Variants in YPEL2 observed in about 807,000 individuals in gnomAD.
YPEL2 encodes protein yippee-like 2.
YPEL2 carries 2 observed loss-of-function variants against 19.1 expected under a neutral mutation model. The ratio of observed to expected loss-of-function variants is 0.10; its 90% CI spans 0.04 to 0.33. YPEL2 has a LOEUF of 0.33. YPEL2 is among the 10% of genes least tolerant of loss of function. The pLI is 1.00. For missense variants in YPEL2, 66 were observed against 140.7 expected, an observed-to-expected ratio of 0.47 and a Z score of 2.68; for synonymous variants, 52 against 50.0, an observed-to-expected ratio of 1.04 and a Z score of -0.17.
At chr17:59,352,312 C>T (rs1451974535) in intron 1 of YPEL2, among the ~76,000 whole-genome samples, 2 of 152,100 alleles carry the variant, frequency 1.3e-5, no homozygotes, top group Non-Finnish European at 2.9e-5. Context: ...AGTCTTAGAC[C>T]TCGTGGCCCT....
At chr17:59,364,612 C>CTTTT (rs56282847) in intron 2 of YPEL2, among the ~76,000 whole-genome samples, 15 of 108,702 alleles carry the variant, frequency 1.4e-4, no homozygotes, top group East Asian at 5.1e-4. Context: ...CCCTCTGTGT[C>CTTTT]TTTTTTTTTT....
intron 2 of YPEL2, among the ~76,000 whole-genome samples, chr17:59,382,727 CTGATGCAGTAATTCAAAAGACGTAT>C (rs1378992666): frequency 6.6e-6 from 1 of 152,104 alleles, no homozygotes; most frequent in Non-Finnish European, 1.5e-5. Context: ...TCATCACTTT[CTGATGCAGTAATTCAAAAGACGTAT>C]TCTAATGAGA....
intron 2 of YPEL2, among the ~76,000 whole-genome samples, chr17:59,374,678 G>A (rs1445092527): frequency 6.6e-6 from 1 of 152,202 alleles, no homozygotes; most frequent in Non-Finnish European, 1.5e-5. Context: ...TGAAAAAGGT[G>A]TAGAAAACAA....
At chr17:59,352,088 C>T (rs1283720584) in intron 1 of YPEL2, among the ~76,000 whole-genome samples, 4 of 152,224 alleles carry the variant, frequency 2.6e-5, no homozygotes, top group Admixed American at 6.5e-5. Flanking sequence ...GGATCCCAGA[C>T]GTAGTCCAGC....
Position 59,397,850 on chromosome 17 carries a change from G to A in YPEL2, c.*660G>A, listed in dbSNP as rs1486663234. 2 of 152,472 alleles carry A rather than the reference G, an allele frequency of 1.3e-5. No homozygotes were observed. The highest frequency in any genetic ancestry group is 2.4e-5 in the African/African-American group (1 of 41,462). 9.4% of individuals were successfully genotyped at this position (152,472 alleles called of 1,614,324 possible). A position where few individuals can be genotyped will look rare whatever the true frequency, so the allele number is the denominator to read the frequency against. ...TGGTTCTCCTGGGCTGAGTGGGGGA[G>A]TGTCCTGGCAGCAGCGAGTGACCTG... On this transcript the variant is annotated 3_prime_UTR_variant, in exon 5 of 5. Coordinates refer to ENST00000312655, the MANE Select transcript of YPEL2 (RefSeq NM_001005404.4).
At chr17:59,388,289 T>G in intron 2 of YPEL2, 38 bp from the exon 3 acceptor site, 1 of 1,611,634 alleles carries the variant, frequency 6.2e-7, no homozygotes, top group Non-Finnish European at 8.5e-7. Flanking sequence ...ATAGGTGAAA[T>G]GGATGTCTAA....
chr17:59,382,516 G>A (rs1806021597), intron 2 of YPEL2, among the ~76,000 whole-genome samples: 1 of 152,196 alleles, frequency 6.6e-6, no homozygotes, highest in Non-Finnish European at 1.5e-5. Flanking sequence ...TCAGTAAAAT[G>A]TTTGAGCATA....
At chr17:59,362,068 CTT>C (rs1324973591) in intron 2 of YPEL2, among the ~76,000 whole-genome samples, 2 of 152,162 alleles carry the variant, frequency 1.3e-5, no homozygotes, top group East Asian at 3.8e-4. Flanking sequence ...CTACTGAAGA[CTT>C]TTAAGCAAGT....
rs185323528 is a variant in YPEL2 at position 59,390,658 on chromosome 17, A to T, written c.270+1190A>T. Among the ~76,000 whole-genome samples, 63 of 152,272 alleles carry T rather than the reference A, an allele frequency of 4.1e-4. 1 individual carries two copies. The highest frequency in any genetic ancestry group is 4.1e-3 in the Admixed American group (63 of 15,292). The stretch of plus-strand genomic sequence containing the variant: ...GTTAAGGTCCCTTTGGGGCCTGGGG[A>T]AAGTGAGCAGTCCTTTGCCAGAGTG... On this transcript the variant is annotated intron_variant, in intron 4 of 4. Transcript: ENST00000312655.
At chr17:59,349,927 G>A (rs562283624) in intron 1 of YPEL2, among the ~76,000 whole-genome samples, 1 of 152,136 alleles carries the variant, frequency 6.6e-6, no homozygotes, top group Non-Finnish European at 1.5e-5. Context: ...CCAAAGTGCT[G>A]GGATTACGGG....
rs562762433 is a variant in YPEL2, at chr17:59,401,329, T to C, written c.*4139T>C. 18 of 152,758 alleles carry C rather than the reference T, an allele frequency of 1.2e-4. No homozygotes were observed. In the South Asian group the frequency reaches 3.7e-3, roughly 32 times the overall value. The allele number at this position is 152,758 out of a possible 1,614,324, so 9.5% of individuals were successfully genotyped here. A position where few individuals can be genotyped will look rare whatever the true frequency, so the allele number is the denominator to read the frequency against. ...TTACTTTTTTAAAAATTAAAATAGT[T>C]ATGAAATCTGGCAGAAAAGGTAAAG... On this transcript the variant is annotated 3_prime_UTR_variant, in exon 5 of 5. Coordinates refer to ENST00000312655, the MANE Select transcript of YPEL2 (RefSeq NM_001005404.4).
chr17:59,348,633 C>T (rs767858875), intron 1 of YPEL2, among the ~76,000 whole-genome samples: 5 of 152,112 alleles, frequency 3.3e-5, no homozygotes, highest in Admixed American at 2.6e-4. Context: ...CTAGGGGTGG[C>T]GGCAAATCTT....
At chr17:59,366,797 G>T (rs1453743215) in intron 2 of YPEL2, among the ~76,000 whole-genome samples, 1 of 152,216 alleles carries the variant, frequency 6.6e-6, no homozygotes, top group East Asian at 1.9e-4. Context: ...GAGGAAGCCA[G>T]TGAAACTAGA....
rs550613041 is a variant in YPEL2 at position 59,340,846 on chromosome 17, C to T, written c.-196+9022C>T. On this transcript the variant is annotated intron_variant, in intron 1 of 4. Coordinates refer to ENST00000312655, the MANE Select transcript of YPEL2 (RefSeq NM_001005404.4). ...TCCCCTGCCTCACCCTCCCAAGTAG[C>T]TGGGATTACAGGCGTGTGCCACCAC... Among the ~76,000 whole-genome samples, 25 of 151,820 alleles carry T rather than the reference C, an allele frequency of 1.6e-4. No individual in the cohort carries two copies. In the East Asian group the frequency reaches 4.9e-3, roughly 30 times the overall value.
intron 1 of YPEL2, among the ~76,000 whole-genome samples, chr17:59,334,571 A>ACACACACAC (rs1555568490): frequency 2.8e-5 from 4 of 145,122 alleles, no homozygotes; most frequent in African/African-American, 7.7e-5. Context: ...TTCAGGCACA[A>ACACACACAC]ACACACACAC....
At chr17:59,383,079 G>A (rs1472997247) in intron 2 of YPEL2, among the ~76,000 whole-genome samples, 1 of 152,146 alleles carries the variant, frequency 6.6e-6, no homozygotes, top group Non-Finnish European at 1.5e-5. Flanking sequence ...AAATAGATTA[G>A]GGAATTGCTT....
rs867454880 is a variant in YPEL2, at chr17:59,384,730, G to A, written c.118-3597G>A. On this transcript the variant is annotated intron_variant, in intron 2 of 4. Coordinates refer to ENST00000312655, the MANE Select transcript of YPEL2 (RefSeq NM_001005404.4). Reference sequence around the variant, plus strand: ...AAAGGGTTGTCTGGGGGTTTGTCTTGCACACCTTGCTGGGATACCACTGCC... The same window carrying A: ...AAAGGGTTGTCTGGGGGTTTGTCTTACACACCTTGCTGGGATACCACTGCC... Among the ~76,000 whole-genome samples, 6 of 152,320 alleles carry A rather than the reference G, an allele frequency of 3.9e-5. No individual in the cohort carries two copies. The South Asian group carries it at 1.2e-3, about 32-fold the overall frequency.
rs537992590 is a variant in YPEL2 at position 59,401,054 on chromosome 17, G to C, written c.*3864G>C. On this transcript the variant is annotated 3_prime_UTR_variant, in exon 5 of 5. Coordinates refer to ENST00000312655, the MANE Select transcript of YPEL2 (RefSeq NM_001005404.4). ...ACTGAGATGAGAGTGTATTAATCAC[G>C]TATCGCAGGGCTCCAGCTGTTTTAG... The C allele has an allele frequency of 6.6e-6, 1 of 152,388 alleles. No individual in the cohort carries two copies. Among genetic ancestry groups the C allele is most frequent in the South Asian group, 2.1e-4 (1 of 4,828 alleles). The allele number at this position is 152,388 out of a possible 1,614,324, so 9.4% of individuals were successfully genotyped here. A position where few individuals can be genotyped will look rare whatever the true frequency, so the allele number is the denominator to read the frequency against.
intron 1 of YPEL2, among the ~76,000 whole-genome samples, chr17:59,337,345 G>A (rs559941445): frequency 5.6e-4 from 85 of 151,698 alleles, no homozygotes; most frequent in Admixed American, 9.2e-4. Flanking sequence ...CCACCATCAC[G>A]CCCGGCTAAT....
Sources: gnomAD v4.1 joint callset for allele counts (sites outside exome capture counted in the v4.1 genomes callset) on GRCh38, gnomAD v4.1.1 for gene constraint, MANE v1.5 for transcripts, NCBI Gene and HGNC (gene_info 2026-07-23, HGNC 2026-07-21) for gene names.